GSG1L: variants seen among roughly 807,000 people sequenced by gnomAD.
GSG1L encodes GSG1 like.
GSG1L carries 24 observed loss-of-function variants against 42.1 expected under a neutral mutation model. The ratio of observed to expected loss-of-function variants is 0.57; its 90% CI spans 0.41 to 0.80. GSG1L has a LOEUF of 0.80. GSG1L is among the 30% of genes least tolerant of loss of function. GSG1L has a pLI of 0.00. For synonymous variants in GSG1L, 215 were observed against 203.5 expected, an observed-to-expected ratio of 1.06 and a Z score of -0.48; for missense variants, 445 against 472.2, an observed-to-expected ratio of 0.94 and a Z score of 0.53.
intron 3 of GSG1L, among the ~76,000 whole-genome samples, chr16:27,867,876 G>A (rs1596568821): frequency 6.6e-6 from 1 of 152,324 alleles, no homozygotes; most frequent in Non-Finnish European, 1.5e-5. Context: ...CTGAGTCGGA[G>A]CCTGGGCCTA....
At chr16:27,814,934 T>C (rs1217276488) in intron 5 of GSG1L, among the ~76,000 whole-genome samples, 2 of 145,756 alleles carry the variant, frequency 1.4e-5, no homozygotes, top group Non-Finnish European at 3.0e-5. Flanking sequence ...ACAGATTTAC[T>C]TTTTTTTTTT....
intron 5 of GSG1L, among the ~76,000 whole-genome samples, chr16:27,810,385 A>G (rs1597465384): frequency 6.6e-6 from 1 of 152,090 alleles, no homozygotes; most frequent in African/African-American, 2.4e-5. Flanking sequence ...TGGGAGGATC[A>G]CTTGAGCCCA....
In GSG1L at chr16:27,824,871, C is replaced by T. The variant is rs116452655; in HGVS notation, c.830+3918G>A. Among the ~76,000 whole-genome samples the T allele has an allele frequency of 7.4e-3, 1,133 of 152,318 alleles. 14 individuals are homozygous for T. The highest frequency in any genetic ancestry group is 0.025 in the African/African-American group (1,050 of 41,562). ...CTCCGTAGCAGGGGTGGCAACTGAC[C>T]GCAGTGCTAATGGGGCAGCTTTGGA... On this transcript the variant is annotated intron_variant, in intron 5 of 6. Coordinates refer to ENST00000447459, the MANE Select transcript of GSG1L (RefSeq NM_001109763.2).
chr16:27,996,509 ACT>A (rs10569761), intron 1 of GSG1L, among the ~76,000 whole-genome samples: 102,337 of 151,190 alleles, frequency 0.68, 35,412 homozygotes, highest in East Asian at 0.85. Flanking sequence ...GAACAAGGCT[ACT>A]CTCTCTCTCA....
intron 1 of GSG1L, among the ~76,000 whole-genome samples, chr16:28,046,261 A>C (rs183265): frequency 0.43 from 65,455 of 150,964 alleles, 15,300 homozygotes; most frequent in East Asian, 0.69. Context: ...ACGAGGCCAT[A>C]CACATCCGCA....
intron 1 of GSG1L, among the ~76,000 whole-genome samples, chr16:28,043,085 T>C (rs1286312709): frequency 2.0e-5 from 3 of 152,236 alleles, no homozygotes; most frequent in Non-Finnish European, 2.9e-5. Context: ...TATTTTGATA[T>C]GAGTCATGGA....
intron 2 of GSG1L, among the ~76,000 whole-genome samples, chr16:27,947,660 T>G (rs1444900378): frequency 1.3e-5 from 2 of 152,096 alleles, no homozygotes; most frequent in Non-Finnish European, 2.9e-5. Flanking sequence ...ATGAAAGGGA[T>G]GAGTATACTC....
chr16:28,025,160 G>A (rs868148649), intron 1 of GSG1L, among the ~76,000 whole-genome samples: 10 of 152,202 alleles, frequency 6.6e-5, no homozygotes, highest in Admixed American at 3.3e-4. Context: ...GAAAGGCTGG[G>A]GCTCTGGGAA....
intron 1 of GSG1L, among the ~76,000 whole-genome samples, chr16:28,034,324 G>A (rs927478240): frequency 2.0e-5 from 3 of 149,726 alleles, no homozygotes; most frequent in Admixed American, 6.7e-5. Context: ...CTATGGTCCC[G>A]AGTTCCTGGT....
intron 2 of GSG1L, among the ~76,000 whole-genome samples, 171 bp downstream of exon 2, chr16:27,962,985 C>A (rs145419258): frequency 2.3e-3 from 350 of 152,318 alleles, no homozygotes; most frequent in Non-Finnish European, 4.3e-3. Context: ...TCCCACTCCA[C>A]TGAGAGCTCA....
intron 3 of GSG1L, among the ~76,000 whole-genome samples, chr16:27,880,763 CTTTTG>C (rs2141020386): frequency 6.6e-6 from 1 of 152,112 alleles, no homozygotes; most frequent in East Asian, 1.9e-4. Context: ...CAACGACAAA[CTTTTG>C]TTTTGTGGCT....
intron 1 of GSG1L, among the ~76,000 whole-genome samples, chr16:28,012,132 C>T (rs895164027): frequency 4.6e-5 from 7 of 152,162 alleles, no homozygotes; most frequent in Non-Finnish European, 7.3e-5. Flanking sequence ...CCCACGCAGT[C>T]GCTACAGCTG....
chr16:27,868,464 A>G (rs1422825931), intron 3 of GSG1L, among the ~76,000 whole-genome samples: 1 of 152,258 alleles, frequency 6.6e-6, no homozygotes, highest in East Asian at 1.9e-4. Flanking sequence ...TCCAAGGCTA[A>G]TGAGGAGAGT....
intron 1 of GSG1L, among the ~76,000 whole-genome samples, chr16:28,042,073 A>G: frequency 6.6e-6 from 1 of 152,228 alleles, no homozygotes; most frequent in East Asian, 1.9e-4. Context: ...AATAACATGC[A>G]GGTCTTGCTT....
At chr16:27,829,158 T>G (rs1251354655) in intron 4 of GSG1L, among the ~76,000 whole-genome samples, 3 of 152,190 alleles carry the variant, frequency 2.0e-5, no homozygotes, top group African/African-American at 7.2e-5. Flanking sequence ...CACATTGTGA[T>G]GCAGATGTAA....
intron 2 of GSG1L, among the ~76,000 whole-genome samples, chr16:27,926,354 G>A (rs2084592337): frequency 6.6e-6 from 1 of 152,176 alleles, no homozygotes; most frequent in Admixed American, 6.5e-5. Flanking sequence ...ACAGTCTAGT[G>A]GGTGGAGGCG....
intron 3 of GSG1L, among the ~76,000 whole-genome samples, chr16:27,865,361 GC>G (rs1423261221): frequency 1.3e-5 from 2 of 151,620 alleles, no homozygotes; most frequent in African/African-American, 4.8e-5. Flanking sequence ...AGTGTCCCCT[GC>G]CCCAGCATCA....
chr16:27,794,280 A>C (rs1033951689), intron 6 of GSG1L, among the ~76,000 whole-genome samples: 2 of 151,610 alleles, frequency 1.3e-5, no homozygotes, highest in Admixed American at 6.6e-5. Flanking sequence ...AGCCTCCCAA[A>C]GCCCTGGAAT....
intron 3 of GSG1L, among the ~76,000 whole-genome samples, chr16:27,883,301 G>A (rs1054803006): frequency 2.6e-5 from 4 of 152,118 alleles, no homozygotes; most frequent in African/African-American, 9.6e-5. Flanking sequence ...CTCCGTCCTT[G>A]GACAGCTGGG....
Sources: allele counts gnomAD v4.1 joint callset (sites outside exome capture counted in the v4.1 genomes callset), GRCh38; gene constraint gnomAD v4.1.1; transcripts MANE v1.5; gene names NCBI Gene and HGNC (gene_info 2026-07-23, HGNC 2026-07-21).